Variants in PCDHA4 observed in about 807,000 individuals in gnomAD.
PCDHA4 encodes protocadherin alpha-4.
In PCDHA4, 49 loss-of-function variants were observed where a neutral mutation model predicts 61.4. That is an observed-to-expected ratio of 0.80 (90% CI 0.63 to 1.01). PCDHA4 has a LOEUF of 1.01. PCDHA4 is among the 50% of genes least tolerant of loss of function. The pLI is 0.00. For synonymous variants in PCDHA4, 590 were observed against 550.3 expected, an observed-to-expected ratio of 1.07 and a Z score of -1.01; for missense variants, 1,254 against 1,235.8, an observed-to-expected ratio of 1.01 and a Z score of -0.22.
chr5:140,853,550 A>G lies in PCDHA4; in HGVS notation c.2385+43978A>G, dbSNP rs1220580978. The G allele has an allele frequency of 5.1e-6, 5 of 979,400 alleles. 1 individual carries two copies. Among genetic ancestry groups the G allele is most frequent in the Non-Finnish European group, 6.2e-6 (5 of 811,998 alleles). 60.7% of individuals were successfully genotyped at this position (979,400 alleles called of 1,614,324 possible). A position where few individuals can be genotyped will look rare whatever the true frequency, so the allele number is the denominator to read the frequency against. On this transcript the variant is annotated intron_variant, in intron 1 of 3. Transcript: ENST00000530339. The stretch of plus-strand genomic sequence containing the variant: ...TGTCTCTTTTCAAGTTGTAATTACT[A>G]TATAGGAAAAACTAAGTTGTCACCC...
intron 1 of PCDHA4, among the ~76,000 whole-genome samples, chr5:140,947,713 T>G (rs1252298380): frequency 6.6e-6 from 1 of 151,618 alleles, no homozygotes; most frequent in African/African-American, 2.4e-5. Flanking sequence ...AGTATTGAGG[T>G]TTCAAAAGTT....
intron 1 of PCDHA4, among the ~76,000 whole-genome samples, chr5:140,936,344 T>C (rs1403940424): frequency 6.6e-6 from 1 of 152,224 alleles, no homozygotes; most frequent in Non-Finnish European, 1.5e-5. Context: ...TATCTGCATA[T>C]ATGGAATGTG....
chr5:140,928,904 G>T, intron 1 of PCDHA4: 1 of 1,614,180 alleles, frequency 6.2e-7, no homozygotes, highest in Non-Finnish European at 8.5e-7. Flanking sequence ...GAAGATGTCT[G>T]GGAACCAGGA....
intron 1 of PCDHA4, chr5:140,882,941 A>G (rs2059372388): frequency 6.2e-7 from 1 of 1,614,128 alleles, no homozygotes; most frequent in African/African-American, 1.3e-5. Context: ...GCTGACTGGC[A>G]CAGTTCAGCT....
At chr5:140,830,537 G>C (rs886492362) in intron 1 of PCDHA4, 1 of 1,226,260 alleles carries the variant, frequency 8.2e-7, no homozygotes, top group African/African-American at 1.6e-5. Flanking sequence ...ATTTATAATT[G>C]TTTTCCTCAT....
intron 1 of PCDHA4, chr5:140,929,415 C>A: frequency 6.6e-7 from 1 of 1,504,268 alleles, no homozygotes; most frequent in Non-Finnish European, 8.9e-7. Context: ...CCTTTCACAA[C>A]ATTTCATCAA....
chr5:140,929,058 A>G (rs372120484), intron 1 of PCDHA4: 2 of 1,614,072 alleles, frequency 1.2e-6, no homozygotes, highest in African/African-American at 2.7e-5. Context: ...GTCGCTCTAC[A>G]GAGGATCTGA....
intron 1 of PCDHA4, among the ~76,000 whole-genome samples, chr5:140,952,252 A>T (rs1230858145): frequency 6.6e-6 from 1 of 151,034 alleles, no homozygotes; most frequent in Admixed American, 6.6e-5. Context: ...CTGCTGGTGG[A>T]TTCCCATTCT....
intron 3 of PCDHA4, among the ~76,000 whole-genome samples, chr5:140,999,698 T>C (rs903538308): frequency 2.0e-5 from 3 of 152,192 alleles, no homozygotes; most frequent in Non-Finnish European, 4.4e-5. Flanking sequence ...ATGTGATTTT[T>C]TTTTAGCTAA....
chr5:141,010,199 T>G lies in PCDHA4; in HGVS notation c.*262T>G. On this transcript the variant is annotated 3_prime_UTR_variant, in exon 4 of 4. Coordinates refer to ENST00000530339, the MANE Select transcript of PCDHA4 (RefSeq NM_018907.4). Reference sequence around the variant, plus strand: ...AAGCAGACCCAAGTTTCCTTTCTCCTCCGCCGCAAAGGAGAGGCTTCCCAG... The same window carrying G: ...AAGCAGACCCAAGTTTCCTTTCTCCGCCGCCGCAAAGGAGAGGCTTCCCAG... The G allele has an allele frequency of 1.3e-6, 2 of 1,551,990 alleles. No homozygotes were observed. Among genetic ancestry groups the G allele is most frequent in the South Asian group, 1.2e-5 (1 of 84,106 alleles).
intron 1 of PCDHA4, chr5:140,828,044 C>A (rs2150150318): frequency 6.5e-7 from 1 of 1,542,076 alleles, no homozygotes; most frequent in Admixed American, 2.1e-5. Flanking sequence ...AGTATTTTAT[C>A]TTTATGCGGA....
intron 1 of PCDHA4, among the ~76,000 whole-genome samples, chr5:140,827,760 T>C (rs1554130877): frequency 6.6e-6 from 1 of 152,232 alleles, no homozygotes; most frequent in Non-Finnish European, 1.5e-5. Context: ...TACTTTAAAT[T>C]AATAAAAGAA....
intron 1 of PCDHA4, chr5:140,871,241 C>G (rs782602807): frequency 3.7e-6 from 6 of 1,613,972 alleles, no homozygotes; most frequent in Non-Finnish European, 5.1e-6. Flanking sequence ...CTGGTACTCA[C>G]GCTGCTGCTG....
intron 1 of PCDHA4, chr5:140,870,282 C>T (rs886699693): frequency 6.2e-7 from 1 of 1,614,228 alleles, no homozygotes; most frequent in Non-Finnish European, 8.5e-7. Context: ...CCCACGTTCC[C>T]TTCAAGCTGG....
intron 1 of PCDHA4, chr5:140,870,673 C>T (rs1554164562): frequency 1.9e-6 from 3 of 1,612,666 alleles, no homozygotes; most frequent in Non-Finnish European, 1.7e-6. Context: ...GCCGTTGGAC[C>T]ACGAGGAGCT....
intron 1 of PCDHA4, chr5:140,858,134 G>T (rs1277423393): frequency 3.1e-6 from 5 of 1,597,762 alleles, no homozygotes; most frequent in East Asian, 2.2e-5. Context: ...GGATGTCAAC[G>T]TGTACCTGAT....
intron 3 of PCDHA4, among the ~76,000 whole-genome samples, chr5:141,007,036 A>G (rs1018909399): frequency 4.6e-5 from 7 of 152,200 alleles, no homozygotes; most frequent in African/African-American, 1.4e-4. Context: ...ATTTATATCT[A>G]TGGATATGGC....
rs2150490621 is a variant in PCDHA4 at position 140,850,594 on chromosome 5, T to C, written c.2385+41022T>C. The C allele has an allele frequency of 2.5e-6, 4 of 1,598,338 alleles. No individual in the cohort carries two copies. In the East Asian group the frequency reaches 8.9e-5, roughly 36 times the overall value. The stretch of plus-strand genomic sequence containing the variant: ...ACGCTGGTGGATGTCAACGTGTACC[T>C]GATCATCGCCATCTGCGCGGTGTCT... On this transcript the variant is annotated intron_variant, in intron 1 of 3. Coordinates refer to ENST00000530339, the MANE Select transcript of PCDHA4 (RefSeq NM_018907.4).
intron 2 of PCDHA4, among the ~76,000 whole-genome samples, chr5:140,979,586 C>T (rs1554240859): frequency 6.6e-6 from 1 of 152,188 alleles, no homozygotes; most frequent in Admixed American, 6.5e-5. Context: ...CCAAATCTAG[C>T]TTACTTTAAA....
Sources: allele counts gnomAD v4.1 joint callset (sites outside exome capture counted in the v4.1 genomes callset), GRCh38; gene constraint gnomAD v4.1.1; transcripts MANE v1.5; gene names NCBI Gene and HGNC (gene_info 2026-07-23, HGNC 2026-07-21).